The following EML1 variants were observed in gnomAD, a reference collection of about 807,000 sequenced individuals.
The protein encoded by EML1 is EMAP like 1.
A neutral mutation model predicts 110.4 loss-of-function variants in EML1; 27 were observed. The observed-to-expected ratio is 0.24, with a 90% CI of 0.18 to 0.34. EML1 has a LOEUF of 0.34. EML1 is among the 10% of genes least tolerant of loss of function. EML1 has a pLI of 1.00. For missense variants in EML1, 741 were observed against 1,030.9 expected (o/e 0.72, Z 3.85); for synonymous variants, 344 against 385.8 (o/e 0.89, Z 1.27).
rs2058722562 is a variant in EML1 at position 99,847,332 on chromosome 14, ATT to A, written c.68-3520_68-3519del. On this transcript the variant is annotated intron_variant, in intron 1 of 21. Transcript: ENST00000262233. ...ACACGGTTTATAGTGTTGTTCAAAT[ATT>A]CTATGTCTGTACTGGTTTTTTGTTT... is the stretch of plus-strand genomic sequence containing the variant. 3.9e-5 allele frequency among the ~76,000 whole-genome samples: 6 copies of A among 152,068 alleles called. 1 individual carries two copies. Among genetic ancestry groups the A allele is most frequent in the African/African-American group, 1.2e-4 (5 of 41,400 alleles).
At chr14:99,838,942 T>C (rs545825947) in intron 1 of EML1, 3 of 130,002 alleles carry the variant, frequency 2.3e-5, no homozygotes, top group African/African-American at 5.9e-5. Flanking sequence ...CGCGCGCGCG[T>C]GCATGTTTGT....
chr14:99,780,588 A>T (rs929539058), intron 1 of EML1, among the ~76,000 whole-genome samples: 3 of 152,212 alleles, frequency 2.0e-5, no homozygotes, highest in African/African-American at 4.8e-5. Context: ...CCTGCCAACA[A>T]GGATGTTTAT....
chr14:99,754,051 C>T lies in EML1; in HGVS notation c.28+16191C>T, dbSNP rs895976689. On this transcript the variant is annotated intron_variant, in intron 1 of 10. Coordinates refer to the EML1 transcript ENST00000554479. ...CTCTGCTGCTGCATCACTGGCAGCTCCTGGATAAATCCTTCCCCTCTCTGG... is the reference window on the plus strand; with the variant it reads ...CTCTGCTGCTGCATCACTGGCAGCTTCTGGATAAATCCTTCCCCTCTCTGG... 9.8e-5 allele frequency among the ~76,000 whole-genome samples: 15 copies of T among 152,296 alleles called. No individual in the cohort carries two copies. The East Asian group carries it at 2.5e-3, about 26-fold the overall frequency.
In EML1 at chr14:99,835,922, G is replaced by A. The variant is rs898255536; in HGVS notation, c.68-14931G>A. Among the ~76,000 whole-genome samples the A allele has an allele frequency of 3.9e-5, 6 of 152,134 alleles. No homozygotes were observed. The East Asian group carries it at 7.7e-4, about 19-fold the overall frequency. ...TCTGTTCTTTCACCAATTACATGAC[G>A]TCTTAATTACTATAGCTTTATAAGT... On this transcript the variant is annotated intron_variant, in intron 1 of 21. Transcript: ENST00000262233.
In EML1 at chr14:99,939,160, G is replaced by A. The variant is rs2140141954; in HGVS notation, c.2192-37G>A. The A allele has an allele frequency of 6.2e-7, 1 of 1,610,274 alleles. No homozygotes were observed. Among genetic ancestry groups the A allele is most frequent in the East Asian group, 2.2e-5 (1 of 44,806 alleles). On this transcript the variant is annotated intron_variant, in intron 20 of 21. Transcript: ENST00000262233. The surrounding 1 kb of genome is among the most constrained non-coding windows in gnomAD (Gnocchi z 4.2). Reference sequence around the variant, plus strand: ...TGCGCCATGTGGCCCTGTGGCCCCTGGTGTTTCCAGCGCCCTGTTTGTGGT... The same window carrying A: ...TGCGCCATGTGGCCCTGTGGCCCCTAGTGTTTCCAGCGCCCTGTTTGTGGT...
chr14:99,754,750 G>C (rs1359810087), intron 1 of EML1, among the ~76,000 whole-genome samples: 5 of 152,170 alleles, frequency 3.3e-5, no homozygotes, highest in Non-Finnish European at 5.9e-5. Context: ...GCCTCGCCAA[G>C]CCTCAGTTTC....
At chr14:99,858,175 C>T (rs1157152178) in intron 2 of EML1, among the ~76,000 whole-genome samples, 1 of 151,038 alleles carries the variant, frequency 6.6e-6, no homozygotes, top group Non-Finnish European at 1.5e-5. Context: ...TCTAGAGCTC[C>T]TCCTCATTCC....
chr14:99,886,525 G>T (rs1021292464), intron 4 of EML1, among the ~76,000 whole-genome samples: 1 of 152,200 alleles, frequency 6.6e-6, no homozygotes, highest in African/African-American at 2.4e-5. Flanking sequence ...AGTTGTTCTG[G>T]ATTAATAAAT....
At chr14:99,847,410 G>A (rs1317146581) in intron 1 of EML1, among the ~76,000 whole-genome samples, 1 of 152,094 alleles carries the variant, frequency 6.6e-6, no homozygotes, top group Non-Finnish European at 1.5e-5. Flanking sequence ...GAGTGCAGTG[G>A]CGTGATCATA....
chr14:99,897,277 C>T lies in EML1; in HGVS notation c.810C>T (p.His270=), dbSNP rs1389709371. The change falls in exon 7 of 22, where the codon CAC becomes CAT. Residue 270 remains histidine (H), a synonymous_variant. Transcript: ENST00000262233. ...EEQLQRHYAG[H]NDDVKCLAVH... is the part of the protein sequence containing the mutation. ...AACTGCAGAGGCATTACGCTGGCCACAACGATGACGTGAAGTGGTAAGTCC... is the reference window on the plus strand; with the variant it reads ...AACTGCAGAGGCATTACGCTGGCCATAACGATGACGTGAAGTGGTAAGTCC... 1 of 1,610,038 alleles carries T rather than the reference C, an allele frequency of 6.2e-7. No individual in the cohort carries two copies. The highest frequency in any genetic ancestry group is 1.7e-5 in the Admixed American group (1 of 59,212).
At chr14:99,912,502 G>A (rs2140056062) in intron 13 of EML1, among the ~76,000 whole-genome samples, 1 of 152,272 alleles carries the variant, frequency 6.6e-6, no homozygotes, top group East Asian at 1.9e-4. Flanking sequence ...CCCTAGCTTA[G>A]AATGGACAGA....
chr14:99,923,639 C>CGTTGAATTATCAATGACA, intron 17 of EML1, among the ~76,000 whole-genome samples: 1 of 65,318 alleles, frequency 1.5e-5, no homozygotes, highest in African/African-American at 6.8e-5. Flanking sequence ...CTCAGTTCTG[C>CGTTGAATTATCAATGACA]CCCCTTCACC....
chr14:99,917,956 C>A, intron 16 of EML1, 107 bp downstream of exon 16: 1 of 1,114,030 alleles, frequency 9.0e-7, no homozygotes, highest in Non-Finnish European at 1.3e-6. Context: ...GCTACATGTT[C>A]GAAGCTTCTA....
intron 17 of EML1, among the ~76,000 whole-genome samples, chr14:99,922,635 T>C (rs1355674554): frequency 6.6e-6 from 1 of 152,198 alleles, no homozygotes; most frequent in Admixed American, 6.5e-5. Context: ...TCTAGTATCA[T>C]CACATCCTCC....
intron 6 of EML1, among the ~76,000 whole-genome samples, chr14:99,895,885 A>G (rs1168990714): frequency 6.6e-6 from 1 of 152,090 alleles, no homozygotes; most frequent in Non-Finnish European, 1.5e-5. Flanking sequence ...CCCTGTCTCA[A>G]AAATACATAT....
chr14:99,817,114 GCT>G (rs2058181331), intron 1 of EML1, among the ~76,000 whole-genome samples: 1 of 152,088 alleles, frequency 6.6e-6, no homozygotes, highest in South Asian at 2.1e-4. Flanking sequence ...TTTCTGGAAA[GCT>G]CAAATTTATC....
In EML1 at chr14:99,751,371, C is replaced by T. The variant is rs148049189; in HGVS notation, c.28+13511C>T. Among the ~76,000 whole-genome samples, 977 of 152,222 alleles carry T rather than the reference C, an allele frequency of 6.4e-3. 10 individuals carry two copies. Among genetic ancestry groups the T allele is most frequent in the African/African-American group, 0.022 (928 of 41,538 alleles). On this transcript the variant is annotated intron_variant, in intron 1 of 10. Coordinates refer to the EML1 transcript ENST00000554479. ...ATGGAGGGTCCTGGGTGACCCAGCA[C>T]GGAAGCAGAGGCAGCAGCAGCTGCT...
At chr14:99,783,358 A>AT (rs1330084672) in intron 1 of EML1, among the ~76,000 whole-genome samples, 1 of 151,866 alleles carries the variant, frequency 6.6e-6, no homozygotes, top group East Asian at 1.9e-4. Flanking sequence ...TCCATGGTGT[A>AT]TATGTGCCAC....
chr14:99,896,500 A>C (rs2059673378), intron 6 of EML1, among the ~76,000 whole-genome samples: 2 of 152,298 alleles, frequency 1.3e-5, no homozygotes, highest in South Asian at 4.1e-4. Context: ...CATCTGGAAA[A>C]CATTATTCAA....
Sources: allele counts gnomAD v4.1 joint callset (sites outside exome capture counted in the v4.1 genomes callset), GRCh38; gene constraint gnomAD v4.1.1; non-coding constraint Gnocchi (gnomAD v3.1); transcripts MANE v1.5; gene names NCBI Gene and HGNC (gene_info 2026-07-23, HGNC 2026-07-21).